Variants in TNPO1 observed in about 807,000 individuals in gnomAD.
The protein encoded by TNPO1 is transportin 1.
A neutral mutation model predicts 119.5 loss-of-function variants in TNPO1; 8 were observed. The observed-to-expected ratio is 0.07, with a 90% CI of 0.04 to 0.12. The LOEUF (loss-of-function observed/expected upper bound fraction) is 0.12, where lower values mean the gene tolerates loss of function less well. TNPO1 is among the 10% of genes least tolerant of loss of function. The pLI is 1.00. For synonymous variants in TNPO1, 362 were observed against 363.0 expected (o/e 1.00, Z 0.03); for missense variants, 576 against 1,089.8 (o/e 0.53, Z 6.64).
At chr5:72,874,146 T>C (rs1455902547) in intron 7 of TNPO1, among the ~76,000 whole-genome samples, 1 of 152,162 alleles carries the variant, frequency 6.6e-6, no homozygotes, top group Non-Finnish European at 1.5e-5. Context: ...TATGTTAATA[T>C]TTGTTTACTA....
At chr5:72,840,523 C>T (rs1744861736) in intron 1 of TNPO1, among the ~76,000 whole-genome samples, 1 of 152,110 alleles carries the variant, frequency 6.6e-6, no homozygotes, top group African/African-American at 2.4e-5. Context: ...ACTAGCTGGG[C>T]AAGCTACTTA....
At chr5:72,840,249 T>C (rs748001404) in intron 1 of TNPO1, among the ~76,000 whole-genome samples, 5 of 152,148 alleles carry the variant, frequency 3.3e-5, no homozygotes, top group African/African-American at 4.8e-5. Context: ...TGGGTGCATC[T>C]GGGCTTGAGT....
chr5:72,868,933 G>A (rs754925979), intron 6 of TNPO1, among the ~76,000 whole-genome samples: 6 of 151,618 alleles, frequency 4.0e-5, no homozygotes, highest in Non-Finnish European at 7.4e-5. Flanking sequence ...ACTTGAACCC[G>A]GGAGGCGGAG....
intron 9 of TNPO1, among the ~76,000 whole-genome samples, chr5:72,880,816 CAA>C (rs35726893): frequency 6.9e-5 from 7 of 101,146 alleles, no homozygotes; most frequent in South Asian, 3.7e-4. Flanking sequence ...GACTCCATCT[CAA>C]AAAAAAAAAA....
At position 72,909,638 on chromosome 5, in the gene TNPO1, C is replaced by A. The variant is rs925039752; in HGVS notation, c.*965C>A. On this transcript the variant is annotated 3_prime_UTR_variant, in exon 25 of 25. Coordinates refer to ENST00000337273, the MANE Select transcript of TNPO1 (RefSeq NM_002270.4). ...TAGAGTGAGATTGGTATTCATTTAC[C>A]TATGTTGCGCCAGTTTGTGTTGCAG... The A allele has an allele frequency of 3.9e-5, 6 of 152,440 alleles. No homozygotes were observed. Among genetic ancestry groups the A allele is most frequent in the African/African-American group, 1.2e-4 (5 of 41,394 alleles). 9.4% of individuals were successfully genotyped at this position (152,440 alleles called of 1,614,324 possible).
chr5:72,887,852 C>T (rs995079221), intron 12 of TNPO1, among the ~76,000 whole-genome samples: 1 of 152,096 alleles, frequency 6.6e-6, no homozygotes, highest in Non-Finnish European at 1.5e-5. Flanking sequence ...TGATTTTGTC[C>T]TGGCAGTAAA....
intron 1 of TNPO1, among the ~76,000 whole-genome samples, chr5:72,832,512 T>G (rs1020495218): frequency 6.6e-6 from 1 of 152,164 alleles, no homozygotes; most frequent in Non-Finnish European, 1.5e-5. Context: ...CTGCTATATT[T>G]GTCAACAGTG....
At chr5:72,894,124 A>T (rs1303308947) in intron 18 of TNPO1, among the ~76,000 whole-genome samples, 1 of 152,198 alleles carries the variant, frequency 6.6e-6, no homozygotes, top group African/African-American at 2.4e-5. Flanking sequence ...CTTCCAACAA[A>T]TGTCACTTTA....
intron 1 of TNPO1, 31 bp from the exon 2 acceptor site, chr5:72,848,354 C>G: frequency 6.3e-7 from 1 of 1,599,682 alleles, no homozygotes; most frequent in Non-Finnish European, 8.5e-7. Flanking sequence ...ACAGTTGCTC[C>G]GTCTCTTCCT....
chr5:72,909,053 AAG>A lies in TNPO1; in HGVS notation c.*383_*384del. 4.1e-6 allele frequency: 1 copy of A among 244,670 alleles called. No homozygotes were observed. Among genetic ancestry groups the A allele is most frequent in the Non-Finnish European group, 8.5e-6 (1 of 117,648 alleles). 15.2% of individuals were successfully genotyped at this position (244,670 alleles called of 1,614,324 possible). The stretch of plus-strand genomic sequence containing the variant: ...ATATAAATGATGCCTAGGGACAAGA[AAG>A]AGGAACAATTCTATAGCGCACAATA... On this transcript the variant is annotated 3_prime_UTR_variant, in exon 25 of 25. Transcript: ENST00000337273.
chr5:72,856,050 CTTTAAATGCT>C, intron 4 of TNPO1, 127 bp downstream of exon 4: 8 of 939,300 alleles, frequency 8.5e-6, no homozygotes, highest in Non-Finnish European at 9.8e-6. Flanking sequence ...CTTTCATTGC[CTTTAAATGCT>C]TTTGAAATGG....
chr5:72,872,684 T>C lies in TNPO1; in HGVS notation c.642T>C (p.Thr214=). 1.2e-6 allele frequency: 2 copies of C among 1,610,876 alleles called. No individual in the cohort carries two copies. The highest frequency in any genetic ancestry group is 8.5e-7 in the Non-Finnish European group (1 of 1,178,510). The change falls in exon 7 of 25, where the codon ACT becomes ACC. Residue 214 remains threonine (T), a synonymous_variant. Coordinates refer to ENST00000337273, the MANE Select transcript of TNPO1 (RefSeq NM_002270.4). Reference sequence around the variant, plus strand: ...TCAATCAGTTTATCATCAGTAGGACTCAAGCTCTAATGTTGCACATTGATT... The same window carrying C: ...TCAATCAGTTTATCATCAGTAGGACCCAAGCTCTAATGTTGCACATTGATT... ...ACVNQFIISR[T]QALMLHIDSF...
chr5:72,868,580 G>C (rs928449485), intron 6 of TNPO1, among the ~76,000 whole-genome samples: 2 of 151,360 alleles, frequency 1.3e-5, no homozygotes, highest in Non-Finnish European at 2.9e-5. Flanking sequence ...CTCCCCATCA[G>C]TTTAAAATGT....
At position 72,881,621 on chromosome 5, in the gene TNPO1, T is replaced by C. The variant is rs1434821320; in HGVS notation, c.921-846T>C. Among the ~76,000 whole-genome samples, 3 of 152,352 alleles carry C rather than the reference T, an allele frequency of 2.0e-5. No individual in the cohort carries two copies. In the East Asian group the frequency reaches 5.8e-4, roughly 29 times the overall value. ...CATGTTCCAGATCAGCTTTTATCTTTTATTCACCAAGAGCAACTGTTTGAA... is the reference window on the plus strand; with the variant it reads ...CATGTTCCAGATCAGCTTTTATCTTCTATTCACCAAGAGCAACTGTTTGAA... On this transcript the variant is annotated intron_variant, in intron 9 of 24. Coordinates refer to ENST00000337273, the MANE Select transcript of TNPO1 (RefSeq NM_002270.4).
At chr5:72,871,617 T>C (rs1428110636) in intron 6 of TNPO1, 1 of 152,214 alleles carries the variant, frequency 6.6e-6, no homozygotes, top group Admixed American at 6.5e-5. Context: ...AATGGCTGTC[T>C]GTAAAGGAAA....
At chr5:72,873,218 G>T (rs1227062657) in intron 7 of TNPO1, among the ~76,000 whole-genome samples, 2 of 152,076 alleles carry the variant, frequency 1.3e-5, no homozygotes, top group African/African-American at 4.8e-5. Flanking sequence ...TCTGATAAAA[G>T]TGGAAAGAAA....
intron 4 of TNPO1, among the ~76,000 whole-genome samples, chr5:72,856,766 A>G (rs1746031313): frequency 1.3e-5 from 2 of 152,184 alleles, no homozygotes. Flanking sequence ...CTGTTAGCTT[A>G]TGTAATACTG....
chr5:72,906,984 G>GT (rs113012401), intron 24 of TNPO1, among the ~76,000 whole-genome samples: 10,606 of 152,170 alleles, frequency 0.07, 1,095 homozygotes, highest in African/African-American at 0.22. Context: ...AATTGGAGGA[G>GT]TTTTTTTGGC....
intron 21 of TNPO1, among the ~76,000 whole-genome samples, 166 bp downstream of exon 21, chr5:72,900,247 A>G (rs769513786): frequency 2.6e-4 from 40 of 152,166 alleles, no homozygotes; most frequent in Admixed American, 4.6e-4. Context: ...TTTCAATAGC[A>G]TCGTCATGTA....
Sources: gnomAD v4.1 joint callset for allele counts (sites outside exome capture counted in the v4.1 genomes callset) on GRCh38, gnomAD v4.1.1 for gene constraint, MANE v1.5 for transcripts, NCBI Gene and HGNC (gene_info 2026-07-23, HGNC 2026-07-21) for gene names.